The following SLC10A7 variants were observed in gnomAD, a reference collection of about 807,000 sequenced individuals.
SLC10A7 encodes sodium/bile acid cotransporter 7.
In SLC10A7, 29 loss-of-function variants were observed where a neutral mutation model predicts 43.2. The observed-to-expected ratio is 0.67, with a 90% CI of 0.50 to 0.92. The LOEUF (loss-of-function observed/expected upper bound fraction) is 0.92, where lower values mean the gene tolerates loss of function less well. Ranked by LOEUF, SLC10A7 falls within the 40% of genes least tolerant of loss-of-function variation. The pLI, the probability that SLC10A7 is intolerant of heterozygous loss-of-function variation, is 0.00. For synonymous variants in SLC10A7, 152 were observed against 144.8 expected, an observed-to-expected ratio of 1.05 and a Z score of -0.35; for missense variants, 295 against 403.2, an observed-to-expected ratio of 0.73 and a Z score of 2.30.
chr4:146,341,598 T>C (rs1462997621), intron 5 of SLC10A7, among the ~76,000 whole-genome samples: 1 of 151,804 alleles, frequency 6.6e-6, no homozygotes, highest in East Asian at 1.9e-4. Context: ...CAATATAATA[T>C]GTCCTCATTC....
chr4:146,491,993 G>A (rs1050523091), intron 4 of SLC10A7, among the ~76,000 whole-genome samples: 2 of 152,068 alleles, frequency 1.3e-5, no homozygotes, highest in African/African-American at 2.4e-5. Context: ...TGAGGCGGGC[G>A]GATCACGAGG....
At chr4:146,445,929 G>A (rs1291648916) in intron 4 of SLC10A7, among the ~76,000 whole-genome samples, 10 of 151,732 alleles carry the variant, frequency 6.6e-5, no homozygotes, top group East Asian at 1.9e-4. Flanking sequence ...GTGCGCACGC[G>A]CGTGCACGGG....
intron 5 of SLC10A7, among the ~76,000 whole-genome samples, chr4:146,335,105 A>G (rs1733787229): frequency 6.6e-6 from 1 of 151,818 alleles, no homozygotes; most frequent in Admixed American, 6.6e-5. Flanking sequence ...TCAGGAGAAG[A>G]TGATGTCAGT....
intron 6 of SLC10A7, among the ~76,000 whole-genome samples, chr4:146,317,928 T>C (rs927852512): frequency 5.3e-5 from 8 of 152,020 alleles, no homozygotes; most frequent in Non-Finnish European, 1.2e-4. Context: ...AGATAGCAGA[T>C]AGTGGGACTT....
chr4:146,283,521 C>G (rs1292074301), intron 9 of SLC10A7, among the ~76,000 whole-genome samples: 1 of 151,884 alleles, frequency 6.6e-6, no homozygotes, highest in Admixed American at 6.6e-5. Flanking sequence ...TATAATCAGC[C>G]CCTGGAGCAG....
chr4:146,356,055 T>C (rs976640915), intron 5 of SLC10A7, among the ~76,000 whole-genome samples: 1 of 125,330 alleles, frequency 8.0e-6, no homozygotes, highest in Non-Finnish European at 1.8e-5. Context: ...AAAAAAAATA[T>C]ATATATATAT....
chr4:146,373,608 G>A lies in SLC10A7; in HGVS notation c.436-47612C>T, dbSNP rs539167937. ...AGATTTATCCTGAGAGACATGAGAC[G>A]TGAAAGAGGGTTTTAATGGTGAAAT... On this transcript the variant is annotated intron_variant, in intron 5 of 11. Transcript: ENST00000335472. Among the ~76,000 whole-genome samples the A allele has an allele frequency of 1.9e-4, 29 of 152,236 alleles. No homozygotes were observed. In the South Asian group the frequency reaches 3.3e-3, roughly 17 times the overall value.
intron 4 of SLC10A7, among the ~76,000 whole-genome samples, chr4:146,453,839 C>G (rs1731809969): frequency 6.6e-6 from 1 of 151,890 alleles, no homozygotes; most frequent in African/African-American, 2.4e-5. Context: ...TTTTAAAGCC[C>G]TGGTACACAA....
intron 10 of SLC10A7, among the ~76,000 whole-genome samples, chr4:146,266,492 G>A (rs1159918563): frequency 6.6e-6 from 1 of 151,804 alleles, no homozygotes; most frequent in African/African-American, 2.4e-5. Flanking sequence ...AGACAAAATA[G>A]TCACAGAAAG....
intron 5 of SLC10A7, among the ~76,000 whole-genome samples, chr4:146,371,378 AAAGTC>A (rs144783246): frequency 0.13 from 20,474 of 152,140 alleles, 1,394 homozygotes; most frequent in South Asian, 0.18. Flanking sequence ...CCTTGTATAC[AAAGTC>A]AAGAACAATT....
intron 4 of SLC10A7, among the ~76,000 whole-genome samples, chr4:146,459,107 AAC>A (rs906861935): frequency 5.9e-5 from 9 of 151,790 alleles, no homozygotes; most frequent in African/African-American, 1.7e-4. Context: ...ATTTTTCACA[AAC>A]AGTTTAAAGA....
chr4:146,289,805 T>C (rs190097106), intron 9 of SLC10A7, among the ~76,000 whole-genome samples: 1,534 of 142,232 alleles, frequency 0.011, 45 homozygotes, highest in East Asian at 0.096. Flanking sequence ...AACCTCCGTC[T>C]CCCGGGTTCA....
chr4:146,270,161 G>A (rs1728806587), intron 10 of SLC10A7, among the ~76,000 whole-genome samples: 1 of 152,140 alleles, frequency 6.6e-6, no homozygotes, highest in Non-Finnish European at 1.5e-5. Flanking sequence ...ATGATGTCCT[G>A]ATAATCTACT....
chr4:146,346,105 C>T (rs1230350642), intron 5 of SLC10A7, among the ~76,000 whole-genome samples: 1 of 152,020 alleles, frequency 6.6e-6, no homozygotes, highest in Non-Finnish European at 1.5e-5. Flanking sequence ...CATTTATGGG[C>T]CCAATCTCCA....
intron 4 of SLC10A7, among the ~76,000 whole-genome samples, chr4:146,455,899 C>A (rs1732004314): frequency 2.0e-5 from 3 of 151,758 alleles, no homozygotes; most frequent in Admixed American, 2.0e-4. Flanking sequence ...GTTAGGTCCC[C>A]TGAGAAAATT....
chr4:146,275,992 A>G (rs1217083920), intron 10 of SLC10A7, among the ~76,000 whole-genome samples: 1 of 152,064 alleles, frequency 6.6e-6, no homozygotes, highest in Non-Finnish European at 1.5e-5. Flanking sequence ...GATCCTCCCA[A>G]CAGTAGCTGG....
At chr4:146,271,385 T>C (rs1578751402) in intron 10 of SLC10A7, among the ~76,000 whole-genome samples, 1 of 152,284 alleles carries the variant, frequency 6.6e-6, no homozygotes, top group Middle Eastern at 3.4e-3. Flanking sequence ...ACATATCCAA[T>C]TCACCAGCAA....
At chr4:146,502,102 T>TA (rs1736472741) in intron 4 of SLC10A7, among the ~76,000 whole-genome samples, 1 of 152,148 alleles carries the variant, frequency 6.6e-6, no homozygotes, top group African/African-American at 2.4e-5. Context: ...AGAGAGCTAA[T>TA]AGACATTTCA....
At chr4:146,514,835 G>A (rs551319212) in intron 2 of SLC10A7, 1 of 330,978 alleles carries the variant, frequency 3.0e-6, no homozygotes, top group East Asian at 5.1e-5. Context: ...GGCTTTAGAA[G>A]TGGTTTAATA....
Sources: gnomAD v4.1 joint callset for allele counts (sites outside exome capture counted in the v4.1 genomes callset) on GRCh38, gnomAD v4.1.1 for gene constraint, MANE v1.5 for transcripts, NCBI Gene and HGNC (gene_info 2026-07-23, HGNC 2026-07-21) for gene names.